The following YWHAB variants were observed in gnomAD, a reference collection of about 807,000 sequenced individuals.
The protein encoded by YWHAB is 14-3-3 protein beta/alpha.
A neutral mutation model predicts 28.5 loss-of-function variants in YWHAB; 2 were observed. That is an observed-to-expected ratio of 0.07 (90% CI 0.03 to 0.22). The LOEUF (loss-of-function observed/expected upper bound fraction) is 0.22, where lower values mean the gene tolerates loss of function less well. Ranked by LOEUF, YWHAB falls within the 10% of genes least tolerant of loss-of-function variation. YWHAB has a pLI of 1.00. For synonymous variants in YWHAB, 103 were observed against 104.7 expected (o/e 0.98, Z 0.10); for missense variants, 148 against 297.1 (o/e 0.50, Z 3.69).
rs1184036275 is a variant in YWHAB at position 44,904,739 on chromosome 20, C to CT, written c.425-226dup. 3.3e-5 allele frequency among the ~76,000 whole-genome samples: 5 copies of CT among 152,140 alleles called. No individual in the cohort carries two copies. In the East Asian group the frequency reaches 7.7e-4, roughly 23 times the overall value. ...TAAAGGTTATAGCTGTATTTAACTGCTTTAGTAGACTTTGTCATAATTGTT... is the reference window on the plus strand; with the variant it reads ...TAAAGGTTATAGCTGTATTTAACTGCTTTTAGTAGACTTTGTCATAATTGTT... On this transcript the variant is annotated intron_variant, in intron 3 of 5. Transcript: ENST00000353703.
At position 44,904,996 on chromosome 20, in the gene YWHAB, C is replaced by T. The variant is rs753682909; in HGVS notation, c.453C>T (p.Tyr151=). ...QTTVSNSQQA[Y]QEAFEISKKE... Reference sequence around the variant, plus strand: ...CTGTGTCGAACTCCCAGCAGGCTTACCAGGAAGCATTTGAAATTAGTAAGA... The same window carrying T: ...CTGTGTCGAACTCCCAGCAGGCTTATCAGGAAGCATTTGAAATTAGTAAGA... The change falls in exon 4 of 6, where the codon TAC becomes TAT. Residue 151 remains tyrosine (Y), a synonymous_variant. Transcript: ENST00000353703. 9.9e-6 allele frequency: 16 copies of T among 1,609,138 alleles called. No individual in the cohort carries two copies. Among genetic ancestry groups the T allele is most frequent in the Non-Finnish European group, 1.4e-5 (16 of 1,176,728 alleles).
Position 44,901,595 on chromosome 20 carries a change from A to G in YWHAB, c.62A>G (p.Tyr21Cys). 1 of 1,613,950 alleles carries G rather than the reference A, an allele frequency of 6.2e-7. No individual in the cohort carries two copies. The highest frequency in any genetic ancestry group is 8.5e-7 in the Non-Finnish European group (1 of 1,179,818). ...AAACTCGCTGAGCAGGCTGAGCGAT[A>G]TGATGATATGGCTGCAGCCATGAAG... ...KAKLAEQAER[Y>C]DDMAAAMKAV... The change falls in exon 2 of 6, where the codon TAT becomes TGT. Residue 21 changes from tyrosine to cysteine, a missense_variant. Physicochemically the swap from Tyr to Cys is radical, Grantham distance 194. Around this residue, in one of 2 missense-constraint regions of YWHAB, gnomAD observed 110 missense variants for 177.9 expected, o/e 0.62. Transcript: ENST00000353703.
At position 44,906,771 on chromosome 20, in the gene YWHAB, G is replaced by A. The variant is rs1172774750; in HGVS notation, c.*333G>A. 1.1e-5 allele frequency: 2 copies of A among 178,172 alleles called. No individual in the cohort carries two copies. The highest frequency in any genetic ancestry group is 2.4e-5 in the Non-Finnish European group (2 of 83,128). The allele number at this position is 178,172 out of a possible 1,614,324, so 11.0% of individuals were successfully genotyped here. On this transcript the variant is annotated 3_prime_UTR_variant, in exon 6 of 6. Transcript: ENST00000353703. ...TCTTACTGGTAGAAAAAATAGACCT[G>A]AATTATGTGTAACTTTTTGGAAGGT...
At chr20:44,890,055 C>G (rs543998591) in intron 1 of YWHAB, among the ~76,000 whole-genome samples, 4 of 152,288 alleles carry the variant, frequency 2.6e-5, no homozygotes, top group African/African-American at 9.6e-5. Context: ...CTAGGAATCC[C>G]TGAGTGCTTT....
intron 4 of YWHAB, 41 bp from the exon 5 acceptor site, chr20:44,905,960 A>G: frequency 5.1e-6 from 8 of 1,557,508 alleles, no homozygotes; most frequent in Non-Finnish European, 7.1e-6. Context: ...AACTAGCTCC[A>G]GAGAACTTGT....
At position 44,907,815 on chromosome 20, in the gene YWHAB, G is replaced by A. The variant is rs1285702319; in HGVS notation, c.*1377G>A. 6.6e-6 allele frequency: 1 copy of A among 152,120 alleles called. No homozygotes were observed. The highest frequency in any genetic ancestry group is 2.4e-5 in the African/African-American group (1 of 41,422). 9.4% of individuals were successfully genotyped at this position (152,120 alleles called of 1,614,324 possible). A position where few individuals can be genotyped will look rare whatever the true frequency, so the allele number is the denominator to read the frequency against. The stretch of plus-strand genomic sequence containing the variant: ...CCTGTCTTCCTCCAGTTCTCAACAC[G>A]GTGTTGCTCTTCAGTCATACCGGAA... On this transcript the variant is annotated 3_prime_UTR_variant, in exon 6 of 6. Transcript: ENST00000353703.
chr20:44,900,890 C>T (rs1049354368), intron 1 of YWHAB, among the ~76,000 whole-genome samples: 1 of 152,150 alleles, frequency 6.6e-6, no homozygotes, highest in African/African-American at 2.4e-5. Context: ...ATCCTCCTGC[C>T]TCAGCCTCCC....
chr20:44,905,606 C>G (rs921302233), intron 4 of YWHAB: 2 of 165,566 alleles, frequency 1.2e-5, no homozygotes, highest in African/African-American at 2.4e-5. Flanking sequence ...AGTTCCGTCA[C>G]TTAAATCAGA....
chr20:44,903,872 A>C, intron 2 of YWHAB, 121 bp from the exon 3 acceptor site: 1 of 1,138,020 alleles, frequency 8.8e-7, no homozygotes, highest in East Asian at 2.7e-5. Context: ...TGGATGAAAA[A>C]TTGGTGTTTT....
intron 1 of YWHAB, among the ~76,000 whole-genome samples, chr20:44,888,226 T>C (rs1299699076): frequency 1.3e-5 from 2 of 152,242 alleles, no homozygotes; most frequent in Non-Finnish European, 2.9e-5. Flanking sequence ...TGGACATTTA[T>C]ATAGAATCCA....
At chr20:44,888,870 C>T (rs532500952) in intron 1 of YWHAB, among the ~76,000 whole-genome samples, 11 of 152,114 alleles carry the variant, frequency 7.2e-5, no homozygotes, top group Non-Finnish European at 1.2e-4. Context: ...GTTTATCTTA[C>T]GACTTCATCA....
At chr20:44,895,995 T>C (rs897051567) in intron 1 of YWHAB, among the ~76,000 whole-genome samples, 2 of 152,198 alleles carry the variant, frequency 1.3e-5, no homozygotes, top group Non-Finnish European at 2.9e-5. Flanking sequence ...GTGGGAGATA[T>C]GTCCAAAGGA....
chr20:44,903,022 T>A, intron 2 of YWHAB: 1 of 985,292 alleles, frequency 1.0e-6, no homozygotes, highest in Non-Finnish European at 1.2e-6. Context: ...TGGTACTTAC[T>A]GCCTCTTAAC....
At chr20:44,897,347 A>G (rs1281879093) in intron 1 of YWHAB, among the ~76,000 whole-genome samples, 2 of 152,204 alleles carry the variant, frequency 1.3e-5, no homozygotes, top group Admixed American at 1.3e-4. Flanking sequence ...AGTAATCCAC[A>G]GGTAGAGTTG....
chr20:44,903,041 C>G, intron 2 of YWHAB: 1 of 986,192 alleles, frequency 1.0e-6, no homozygotes, highest in Non-Finnish European at 1.2e-6. Context: ...ACCAGTTTTT[C>G]AGGATGCCAC....
chr20:44,890,913 G>A (rs147707762), intron 1 of YWHAB, among the ~76,000 whole-genome samples: 124 of 152,280 alleles, frequency 8.1e-4, no homozygotes, highest in African/African-American at 2.5e-3. Context: ...TAGGGAAATT[G>A]TTATGTGCCT....
At position 44,908,097 on chromosome 20, in the gene YWHAB, CTGTT is replaced by C. The variant is rs1284209015; in HGVS notation, c.*1663_*1666del. On this transcript the variant is annotated 3_prime_UTR_variant, in exon 6 of 6. Coordinates refer to ENST00000353703, the MANE Select transcript of YWHAB (RefSeq NM_139323.4). ...TATTCCACTTAGCTGTAGAGTCCAT[CTGTT>C]TGTCCATCTGCTGAAATGAGAAAAG... The C allele has an allele frequency of 6.6e-6, 1 of 151,784 alleles. No homozygotes were observed. Among genetic ancestry groups the C allele is most frequent in the Non-Finnish European group, 1.5e-5 (1 of 67,998 alleles). The allele number at this position is 151,784 out of a possible 1,614,324, so 9.4% of individuals were successfully genotyped here. A position where few individuals can be genotyped will look rare whatever the true frequency, so the allele number is the denominator to read the frequency against.
In YWHAB at chr20:44,899,591, A is replaced by G. The variant is rs537142211; in HGVS notation, c.-3-1940A>G. 2.0e-5 allele frequency among the ~76,000 whole-genome samples: 3 copies of G among 152,372 alleles called. No individual in the cohort carries two copies. In the South Asian group the frequency reaches 6.2e-4, roughly 32 times the overall value. Reference sequence around the variant, plus strand: ...AGTGTATTTTTATACTGTGTGGCACAGATTGATATATCAATATTTAAACCA... The same window carrying G: ...AGTGTATTTTTATACTGTGTGGCACGGATTGATATATCAATATTTAAACCA... On this transcript the variant is annotated intron_variant, in intron 1 of 5. Transcript: ENST00000353703.
At chr20:44,901,007 C>G (rs2066623164) in intron 1 of YWHAB, among the ~76,000 whole-genome samples, 1 of 152,162 alleles carries the variant, frequency 6.6e-6, no homozygotes, top group African/African-American at 2.4e-5. Flanking sequence ...AACTCCTGAC[C>G]TCGTGAATTG....
Sources: allele counts gnomAD v4.1 joint callset (sites outside exome capture counted in the v4.1 genomes callset), GRCh38; gene constraint gnomAD v4.1.1; regional missense constraint gnomAD v4.1.1; transcripts MANE v1.5; gene names NCBI Gene and HGNC (gene_info 2026-07-23, HGNC 2026-07-21).